RNF152: variants seen among roughly 807,000 people sequenced by gnomAD.
RNF152 encodes the protein ring finger protein 152.
A neutral mutation model predicts 12.7 loss-of-function variants in RNF152; 11 were observed. The ratio of observed to expected loss-of-function variants is 0.86; its 90% confidence interval spans 0.54 to 1.43. The LOEUF (loss-of-function observed/expected upper bound fraction) is 1.43. RNF152 is among the 40% of genes most tolerant of loss of function. RNF152 has a pLI of 0.00. For missense variants in RNF152, 255 were observed against 274.8 expected (o/e 0.93, Z 0.51); for synonymous variants, 113 against 120.3 (o/e 0.94, Z 0.40).
intron 1 of RNF152, among the ~76,000 whole-genome samples, chr18:61,820,275 G>A (rs1320233760): frequency 8.0e-6 from 1 of 124,614 alleles, no homozygotes; most frequent in Admixed American, 1.1e-4. Flanking sequence ...CTTGCAATGA[G>A]CAGAGATCGC....
chr18:61,879,226 C>T (rs1355223702), intron 1 of RNF152, among the ~76,000 whole-genome samples: 3 of 152,152 alleles, frequency 2.0e-5, no homozygotes, highest in Non-Finnish European at 4.4e-5. Context: ...ACTTGCTAAA[C>T]GATACAGTAT....
At chr18:61,878,971 G>A (rs532814846) in intron 1 of RNF152, among the ~76,000 whole-genome samples, 3 of 152,284 alleles carry the variant, frequency 2.0e-5, no homozygotes, top group East Asian at 3.9e-4. Flanking sequence ...GAATTTTCAC[G>A]CACAGGGTAA....
chr18:61,844,558 A>G (rs1196984323), intron 1 of RNF152, among the ~76,000 whole-genome samples: 4 of 152,228 alleles, frequency 2.6e-5, no homozygotes, highest in Admixed American at 2.0e-4. Context: ...TGTGTAAGAA[A>G]CATGTTCAGG....
At chr18:61,816,676 C>T in intron 1 of RNF152, 78 bp from the exon 2 acceptor site, 1 of 534,584 alleles carries the variant, frequency 1.9e-6, no homozygotes, top group East Asian at 3.2e-5. Context: ...TGGATTTATA[C>T]CATTGCTCAA....
chr18:61,820,014 C>T (rs1366059983), intron 1 of RNF152, among the ~76,000 whole-genome samples: 1 of 108,252 alleles, frequency 9.2e-6, no homozygotes, highest in Non-Finnish European at 1.8e-5. Context: ...GAGTGGGACA[C>T]TATCTCAAAA....
chr18:61,838,550 T>C (rs939147343), intron 1 of RNF152, among the ~76,000 whole-genome samples: 1 of 152,176 alleles, frequency 6.6e-6, no homozygotes, highest in Non-Finnish European at 1.5e-5. Flanking sequence ...CCCCCTTTTC[T>C]AGAATGAACA....
At chr18:61,822,099 A>C (rs1293875423) in intron 1 of RNF152, among the ~76,000 whole-genome samples, 1 of 152,182 alleles carries the variant, frequency 6.6e-6, no homozygotes, top group African/African-American at 2.4e-5. Context: ...AAGAACAAGT[A>C]TATAAGAAAA....
chr18:61,856,883 A>G (rs1003995221), intron 1 of RNF152, among the ~76,000 whole-genome samples: 2 of 152,224 alleles, frequency 1.3e-5, no homozygotes, highest in Non-Finnish European at 2.9e-5. Context: ...CTCATCTTCA[A>G]AAAGCCATAA....
At chr18:61,824,612 A>G (rs1392134336) in intron 1 of RNF152, among the ~76,000 whole-genome samples, 1 of 152,348 alleles carries the variant, frequency 6.6e-6, no homozygotes, top group East Asian at 1.9e-4. Flanking sequence ...TCAATTTTTT[A>G]GCAACTATCA....
rs561261955 is a variant in RNF152, at chr18:61,861,760, A to G, written c.-136+31035T>C. Among the ~76,000 whole-genome samples, 760 of 152,314 alleles carry G rather than the reference A, an allele frequency of 5.0e-3. 7 individuals are homozygous for G. Among genetic ancestry groups the G allele is most frequent in the African/African-American group, 0.018 (738 of 41,558 alleles). ...AGGGAAGCTGGCATGTGCAGAGATC[A>G]CATGGTGAGAGAGGAAGCAAGGGTG... is the stretch of plus-strand genomic sequence containing the variant. On this transcript the variant is annotated intron_variant, in intron 1 of 1. Coordinates refer to ENST00000312828, the MANE Select transcript of RNF152 (RefSeq NM_173557.3).
In RNF152 at chr18:61,877,614, G is replaced by C. The variant is rs977236103; in HGVS notation, c.-136+15181C>G. 2.6e-5 allele frequency among the ~76,000 whole-genome samples: 4 copies of C among 152,180 alleles called. No homozygotes were observed. In the East Asian group the frequency reaches 5.8e-4, roughly 22 times the overall value. On this transcript the variant is annotated intron_variant, in intron 1 of 1. Coordinates refer to ENST00000312828, the MANE Select transcript of RNF152 (RefSeq NM_173557.3). ...CTGAAAGTATTTATAGCTCAAAGCT[G>C]CTTGTTAATCACACGTCAAAATTAT...
chr18:61,888,746 T>G (rs931313729), intron 1 of RNF152: 1 of 152,222 alleles, frequency 6.6e-6, no homozygotes, highest in Non-Finnish European at 1.5e-5. Context: ...GTGATTTCAA[T>G]CATGGAGTCA....
intron 1 of RNF152, among the ~76,000 whole-genome samples, chr18:61,842,645 G>A (rs1170118186): frequency 6.6e-6 from 1 of 152,148 alleles, no homozygotes; most frequent in Non-Finnish European, 1.5e-5. Context: ...TGCTGATAAA[G>A]ACACACCTGA....
intron 1 of RNF152, among the ~76,000 whole-genome samples, chr18:61,826,414 G>A (rs543220190): frequency 2.8e-4 from 43 of 152,146 alleles, no homozygotes; most frequent in Middle Eastern, 3.4e-3. Context: ...CTTATCTCCC[G>A]TTTGAACTCC....
At chr18:61,830,951 C>G (rs961181016) in intron 1 of RNF152, among the ~76,000 whole-genome samples, 2 of 152,172 alleles carry the variant, frequency 1.3e-5, no homozygotes, top group African/African-American at 4.8e-5. Flanking sequence ...ATTTAGACAA[C>G]TATTGGGAAA....
At chr18:61,867,651 G>T (rs143240883) in intron 1 of RNF152, among the ~76,000 whole-genome samples, 2 of 152,104 alleles carry the variant, frequency 1.3e-5, no homozygotes, top group African/African-American at 4.8e-5. Flanking sequence ...AGGGTGAACC[G>T]TATGTAAACC....
chr18:61,861,871 C>G (rs960724659), intron 1 of RNF152, among the ~76,000 whole-genome samples: 2 of 152,308 alleles, frequency 1.3e-5, no homozygotes, highest in African/African-American at 4.8e-5. Context: ...CATTCATCTA[C>G]TCAAGTGGGA....
At chr18:61,888,784 C>A (rs372303338) in intron 1 of RNF152, 1 of 152,316 alleles carries the variant, frequency 6.6e-6, no homozygotes, top group East Asian at 1.9e-4. Flanking sequence ...GTGTAACTCT[C>A]GAAGCCATGG....
chr18:61,829,265 C>T (rs1909819230), intron 1 of RNF152, among the ~76,000 whole-genome samples: 1 of 152,092 alleles, frequency 6.6e-6, no homozygotes, highest in Admixed American at 6.5e-5. Context: ...GACTGGCCTG[C>T]CCAGTGGTGT....
Sources: gnomAD v4.1 joint callset for allele counts (sites outside exome capture counted in the v4.1 genomes callset) on GRCh38, gnomAD v4.1.1 for gene constraint, MANE v1.5 for transcripts, NCBI Gene and HGNC (gene_info 2026-07-23, HGNC 2026-07-21) for gene names.